The following SLC5A4 variants were observed in gnomAD, a reference collection of about 807,000 sequenced individuals.
The protein encoded by SLC5A4 is solute carrier family 5 member 4, also known as probable glucose sensor protein SLC5A4.
A neutral mutation model predicts 70.3 loss-of-function variants in SLC5A4; 55 were observed. The ratio of observed to expected loss-of-function variants is 0.78; its 90% CI spans 0.63 to 0.98. SLC5A4 has a LOEUF of 0.98. SLC5A4 is among the 50% of genes least tolerant of loss of function. The probability of loss-of-function intolerance (pLI) is 0.00; values close to 1 mark genes in which losing one functional copy is unlikely to be tolerated. For missense variants in SLC5A4, 735 were observed against 839.2 expected, an observed-to-expected ratio of 0.88 and a Z score of 1.53; for synonymous variants, 268 against 305.7, an observed-to-expected ratio of 0.88 and a Z score of 1.29.
At chr22:32,263,654 A>T in the SLC5A4 span, among the ~76,000 whole-genome samples, 5 of 152,228 alleles carry the variant, frequency 3.3e-5, no homozygotes, top group Non-Finnish European at 7.3e-5. Context: ...ATCCTCAAGG[A>T]TCTAGAACCA....
At chr22:32,322,842 G>A in the SLC5A4 span, among the ~76,000 whole-genome samples, 2 of 152,318 alleles carry the variant, frequency 1.3e-5, no homozygotes, top group Admixed American at 6.5e-5. Context: ...CCAAAATAGA[G>A]CAGATGACCC....
rs200950085 is a variant in SLC5A4 at position 32,230,959 on chromosome 22, T to G, written c.1129+9A>C. 1 of 1,596,358 alleles carries G rather than the reference T, an allele frequency of 6.3e-7. No individual in the cohort carries two copies. Among genetic ancestry groups the G allele is most frequent in the Non-Finnish European group, 8.6e-7 (1 of 1,163,846 alleles). On this transcript the variant is annotated intron_variant, in intron 10 of 14. Coordinates refer to ENST00000266086, the MANE Select transcript of SLC5A4 (RefSeq NM_014227.3). Reference sequence around the variant, plus strand: ...CTCTGGGGCTGTCCCAGCAGGGACATTTTCCTACCTTGGGGCATCAGTTCC... The same window carrying G: ...CTCTGGGGCTGTCCCAGCAGGGACAGTTTCCTACCTTGGGGCATCAGTTCC...
rs760655711 is a variant in SLC5A4, at chr22:32,225,847, A to G, written c.1281-24T>C. The stretch of plus-strand genomic sequence containing the variant: ...TCCTGAGAAGAAAACAACATAATTT[A>G]AACATTAAACAAAAGCACTATAGTT... On this transcript the variant is annotated intron_variant, in intron 11 of 14. Coordinates refer to ENST00000266086, the MANE Select transcript of SLC5A4 (RefSeq NM_014227.3). 205 of 1,520,994 alleles carry G rather than the reference A, an allele frequency of 1.3e-4. 3 individuals are homozygous for G. In the South Asian group the frequency reaches 2.3e-3, roughly 17 times the overall value. The allele number at this position is 1,520,994 out of a possible 1,614,324, so 94.2% of individuals were successfully genotyped here.
chr22:32,302,369 A>G, the SLC5A4 span, among the ~76,000 whole-genome samples: 1 of 151,968 alleles, frequency 6.6e-6, no homozygotes. Flanking sequence ...AGAGCAAAAC[A>G]TTTTAATTGT....
At chr22:32,262,633 A>G in the SLC5A4 span, among the ~76,000 whole-genome samples, 17,536 of 152,200 alleles carry the variant, frequency 0.12, 1,228 homozygotes, top group African/African-American at 0.2. Flanking sequence ...CACAGTTGGT[A>G]GACTGCATGT....
At chr22:32,287,372 A>G in the SLC5A4 span, among the ~76,000 whole-genome samples, 1 of 152,172 alleles carries the variant, frequency 6.6e-6, no homozygotes, top group African/African-American at 2.4e-5. Flanking sequence ...TAATGAAGAA[A>G]CCTTCTCTAA....
chr22:32,294,118 A>C, the SLC5A4 span, among the ~76,000 whole-genome samples: 13 of 152,220 alleles, frequency 8.5e-5, no homozygotes, highest in Middle Eastern at 0.01. Context: ...TAGTTGCAGA[A>C]AATTCTTAGC....
the SLC5A4 span, among the ~76,000 whole-genome samples, chr22:32,273,687 G>A: frequency 2.6e-5 from 4 of 152,192 alleles, no homozygotes; most frequent in Non-Finnish European, 5.9e-5. Flanking sequence ...TTAATCAGAA[G>A]TTACAAAACC....
intron 5 of SLC5A4, among the ~76,000 whole-genome samples, 162 bp downstream of exon 5, chr22:32,247,249 T>C (rs1422743537): frequency 6.6e-6 from 1 of 152,200 alleles, no homozygotes; most frequent in African/African-American, 2.4e-5. Context: ...CCCTTTTTCC[T>C]CATGAAGACT....
chr22:32,333,203 C>CCT, the SLC5A4 span, among the ~76,000 whole-genome samples: 1 of 149,002 alleles, frequency 6.7e-6, no homozygotes, highest in African/African-American at 2.5e-5. Flanking sequence ...GGCACCCCCC[C>CCT]CCCAGAAGAC....
the SLC5A4 span, among the ~76,000 whole-genome samples, chr22:32,339,260 G>T: frequency 6.6e-6 from 1 of 152,084 alleles, no homozygotes; most frequent in Non-Finnish European, 1.5e-5. Flanking sequence ...AATAATGGTC[G>T]CAACAATCAT....
At chr22:32,241,520 G>A (rs186256638) in intron 5 of SLC5A4, among the ~76,000 whole-genome samples, 181 of 152,212 alleles carry the variant, frequency 1.2e-3, no homozygotes, top group Non-Finnish European at 1.9e-3. Flanking sequence ...GAGGCAATTC[G>A]GAAATAATTT....
the SLC5A4 span, among the ~76,000 whole-genome samples, chr22:32,321,947 A>C: frequency 6.6e-6 from 1 of 152,216 alleles, no homozygotes; most frequent in Non-Finnish European, 1.5e-5. Context: ...ACTATACATG[A>C]CAAGTGAAAA....
At chr22:32,334,671 G>A in the SLC5A4 span, among the ~76,000 whole-genome samples, 3 of 152,152 alleles carry the variant, frequency 2.0e-5, no homozygotes, top group South Asian at 2.1e-4. Context: ...CTGGAGTCCC[G>A]AAGCTCCCTC....
chr22:32,291,049 C>T, the SLC5A4 span, among the ~76,000 whole-genome samples: 73,387 of 151,730 alleles, frequency 0.48, 17,878 homozygotes, highest in Admixed American at 0.52. Flanking sequence ...CTTTCATTTT[C>T]ATCATATGAG....
At chr22:32,284,543 C>T in the SLC5A4 span, 15 of 152,318 alleles carry the variant, frequency 9.8e-5, no homozygotes, top group African/African-American at 3.1e-4. Flanking sequence ...CCTGAACTCT[C>T]CTTTATGTTG....
intron 1 of SLC5A4, 120 bp downstream of exon 1, chr22:32,255,075 T>C: frequency 1.1e-6 from 1 of 946,516 alleles, no homozygotes; most frequent in South Asian, 1.5e-5. Context: ...CACAAGAAAA[T>C]GATTCTGATA....
the SLC5A4 span, among the ~76,000 whole-genome samples, chr22:32,310,439 C>T: frequency 6.6e-6 from 1 of 152,178 alleles, no homozygotes; most frequent in Non-Finnish European, 1.5e-5. Flanking sequence ...AGGCACTGCA[C>T]GTGGGACACA....
the SLC5A4 span, among the ~76,000 whole-genome samples, chr22:32,351,246 G>C: frequency 6.6e-6 from 1 of 152,158 alleles, no homozygotes; most frequent in Non-Finnish European, 1.5e-5. Flanking sequence ...GAAAATGGCT[G>C]TTTGCAACCA....
Sources: gnomAD v4.1 joint callset for allele counts (sites outside exome capture counted in the v4.1 genomes callset) on GRCh38, gnomAD v4.1.1 for gene constraint, MANE v1.5 for transcripts, NCBI Gene and HGNC (gene_info 2026-07-23, HGNC 2026-07-21) for gene names.